The following CCSER1 variants were observed in gnomAD, a reference collection of about 807,000 sequenced individuals.
CCSER1 encodes the protein coiled-coil serine rich protein 1, also known as serine-rich coiled-coil domain-containing protein 1.
A neutral mutation model predicts 82.0 loss-of-function variants in CCSER1; 41 were observed. The ratio of observed to expected loss-of-function variants is 0.50; its 90% CI spans 0.39 to 0.65. The LOEUF (loss-of-function observed/expected upper bound fraction) is 0.65, where lower values mean the gene tolerates loss of function less well. CCSER1 is among the 30% of genes least tolerant of loss of function. The probability of loss-of-function intolerance (pLI) is 0.00; values close to 1 mark genes in which losing one functional copy is unlikely to be tolerated. For synonymous variants in CCSER1, 414 were observed against 383.9 expected, an observed-to-expected ratio of 1.08 and a Z score of -0.92; for missense variants, 1,119 against 1,064.2, an observed-to-expected ratio of 1.05 and a Z score of -0.72.
At chr4:90,689,433 A>G (rs1417544350) in intron 6 of CCSER1, among the ~76,000 whole-genome samples, 1 of 152,156 alleles carries the variant, frequency 6.6e-6, no homozygotes, top group Admixed American at 6.6e-5. Flanking sequence ...TGGTGGTTAA[A>G]AATAGAATAT....
chr4:91,557,217 A>G (rs6532319), intron 10 of CCSER1, among the ~76,000 whole-genome samples: 102,777 of 150,984 alleles, frequency 0.68, 35,627 homozygotes, highest in African/African-American at 0.82. Flanking sequence ...AGCTCTTGGT[A>G]TCCACGTATA....
At chr4:90,371,715 A>G (rs1442579496) in intron 3 of CCSER1, among the ~76,000 whole-genome samples, 3 of 152,162 alleles carry the variant, frequency 2.0e-5, no homozygotes, top group African/African-American at 7.2e-5. Context: ...GGTTAATAGC[A>G]CCATAAACTA....
chr4:90,903,943 T>G (rs1211448316), intron 8 of CCSER1, among the ~76,000 whole-genome samples: 5 of 152,000 alleles, frequency 3.3e-5, no homozygotes, highest in African/African-American at 4.8e-5. Context: ...ATTTTACTAT[T>G]GATTTTTAAA....
chr4:91,573,917 T>C (rs1478566857), intron 10 of CCSER1, among the ~76,000 whole-genome samples: 1 of 152,010 alleles, frequency 6.6e-6, no homozygotes, highest in Non-Finnish European at 1.5e-5. Flanking sequence ...TAAAATTGCA[T>C]CAAAACGAAT....
chr4:90,185,798 G>A (rs1379514821), intron 1 of CCSER1, among the ~76,000 whole-genome samples: 2 of 150,076 alleles, frequency 1.3e-5, no homozygotes, highest in African/African-American at 4.9e-5. Flanking sequence ...ATATTTATCT[G>A]TGCTTTCTAC....
chr4:91,158,129 C>G (rs1731003468), intron 10 of CCSER1, among the ~76,000 whole-genome samples: 1 of 151,912 alleles, frequency 6.6e-6, no homozygotes, highest in Non-Finnish European at 1.5e-5. Flanking sequence ...TTCATGGCAT[C>G]AGTATTGAAT....
At chr4:91,221,153 T>A (rs1301629157) in intron 10 of CCSER1, among the ~76,000 whole-genome samples, 1 of 152,114 alleles carries the variant, frequency 6.6e-6, no homozygotes, top group Non-Finnish European at 1.5e-5. Flanking sequence ...CAAACTCATA[T>A]CAGTCTTTAG....
At chr4:90,579,029 A>ATTCAAG (rs60273839) in intron 5 of CCSER1, among the ~76,000 whole-genome samples, 1 of 151,108 alleles carries the variant, frequency 6.6e-6, no homozygotes. Context: ...AAAAAGCTTG[A>ATTCAAG]CTTTTTTTAA....
At chr4:90,588,161 T>G (rs137856406) in intron 5 of CCSER1, among the ~76,000 whole-genome samples, 39 of 152,310 alleles carry the variant, frequency 2.6e-4, no homozygotes, top group Middle Eastern at 6.8e-3. Context: ...GAAGCTTGGG[T>G]AGCTGTACCA....
intron 9 of CCSER1, among the ~76,000 whole-genome samples, chr4:90,929,619 G>A (rs2150277488): frequency 6.6e-6 from 1 of 152,286 alleles, no homozygotes; most frequent in African/African-American, 2.4e-5. Context: ...AAGCCCTTTT[G>A]TTAAGAGAAT....
chr4:91,454,423 A>G (rs866594338), intron 10 of CCSER1, among the ~76,000 whole-genome samples: 3 of 151,930 alleles, frequency 2.0e-5, no homozygotes, highest in Middle Eastern at 6.8e-3. Flanking sequence ...CTGCGGTCAA[A>G]TTTCCCTCCA....
chr4:90,410,559 T>C (rs889768974), intron 4 of CCSER1, among the ~76,000 whole-genome samples: 2 of 152,006 alleles, frequency 1.3e-5, no homozygotes, highest in African/African-American at 4.8e-5. Context: ...GAAGCAGAAA[T>C]AAAGATGTTC....
intron 1 of CCSER1, among the ~76,000 whole-genome samples, chr4:90,245,559 G>A (rs988756278): frequency 6.6e-6 from 1 of 152,112 alleles, no homozygotes; most frequent in Non-Finnish European, 1.5e-5. Context: ...TATTTCTTAT[G>A]TCTTGTAAAA....
rs148811216 is a variant in CCSER1 at position 91,388,728 on chromosome 4, A to G, written c.2218-209844A>G. Among the ~76,000 whole-genome samples the G allele has an allele frequency of 3.0e-3, 453 of 152,040 alleles. 2 individuals carry two copies. Among genetic ancestry groups the G allele is most frequent in the African/African-American group, 0.011 (439 of 41,502 alleles). On this transcript the variant is annotated intron_variant, in intron 10 of 10. Coordinates refer to ENST00000509176, the MANE Select transcript of CCSER1 (RefSeq NM_001145065.2). The stretch of plus-strand genomic sequence containing the variant: ...TTCCTTCCTAACCTACATATCAATC[A>G]TTGTCTCTGATTACTGTAGCTTTAT...
intron 3 of CCSER1, among the ~76,000 whole-genome samples, chr4:90,385,460 G>GTTTT (rs199523272): frequency 7.4e-6 from 1 of 134,912 alleles, no homozygotes. Flanking sequence ...TCTCGGTGTA[G>GTTTT]TTTTTTTTTT....
chr4:90,356,239 A>C (rs966614450), intron 3 of CCSER1, among the ~76,000 whole-genome samples: 4 of 151,964 alleles, frequency 2.6e-5, no homozygotes, highest in African/African-American at 9.6e-5. Flanking sequence ...TATAACGTCT[A>C]ATATTTTAAG....
intron 10 of CCSER1, among the ~76,000 whole-genome samples, chr4:91,464,379 G>T (rs542827923): frequency 6.6e-6 from 1 of 152,118 alleles, no homozygotes; most frequent in Non-Finnish European, 1.5e-5. Flanking sequence ...GGAACAACCG[G>T]TACCAGCCAC....
At position 90,434,903 on chromosome 4, in the gene CCSER1, G is replaced by A. The variant is rs186439947; in HGVS notation, c.1604-33331G>A. 3.4e-3 allele frequency among the ~76,000 whole-genome samples: 524 copies of A among 152,060 alleles called. 3 individuals carry two copies. Among genetic ancestry groups the A allele is most frequent in the African/African-American group, 0.012 (501 of 41,454 alleles). On this transcript the variant is annotated intron_variant, in intron 4 of 10. Coordinates refer to ENST00000509176, the MANE Select transcript of CCSER1 (RefSeq NM_001145065.2). ...TAAATCCTTTTCCCCACTTCTTTTC[G>A]TCTTGTCATTTTCATATCGGACAAC...
At chr4:91,434,562 TTTTG>T (rs1254626811) in intron 10 of CCSER1, among the ~76,000 whole-genome samples, 3 of 152,126 alleles carry the variant, frequency 2.0e-5, no homozygotes, top group African/African-American at 7.2e-5. Context: ...TAAAATAATT[TTTTG>T]TTTGTTTTTC....
Sources: gnomAD v4.1 joint callset for allele counts (sites outside exome capture counted in the v4.1 genomes callset) on GRCh38, gnomAD v4.1.1 for gene constraint, MANE v1.5 for transcripts, NCBI Gene and HGNC (gene_info 2026-07-23, HGNC 2026-07-21) for gene names.